ARFGEF1: variants seen among roughly 807,000 people sequenced by gnomAD.
ARFGEF1 encodes the protein brefeldin A-inhibited guanine nucleotide-exchange protein 1.
ARFGEF1 carries 42 observed loss-of-function variants against 231.0 expected under a neutral mutation model. The observed-to-expected ratio is 0.18, with a 90% confidence interval of 0.14 to 0.24. The LOEUF is 0.24. Ranked by LOEUF, ARFGEF1 falls within the 10% of genes least tolerant of loss-of-function variation. The probability of loss-of-function intolerance (pLI) is 1.00; values close to 1 mark genes in which losing one functional copy is unlikely to be tolerated. For missense variants in ARFGEF1, 1,345 were observed against 2,192.0 expected, an observed-to-expected ratio of 0.61 and a Z score of 7.72; for synonymous variants, 710 against 732.3, an observed-to-expected ratio of 0.97 and a Z score of 0.49.
At chr8:67,228,812 T>C (rs1229252019) in intron 23 of ARFGEF1, among the ~76,000 whole-genome samples, 1 of 152,088 alleles carries the variant, frequency 6.6e-6, no homozygotes, top group Non-Finnish European at 1.5e-5. Flanking sequence ...AAGCTAACAC[T>C]GCCCAGCTTT....
chr8:67,318,168 C>T (rs1182248584), intron 1 of ARFGEF1, among the ~76,000 whole-genome samples: 4 of 149,410 alleles, frequency 2.7e-5, no homozygotes, highest in Non-Finnish European at 4.4e-5. Flanking sequence ...ACCCGGGAGC[C>T]GCAGCTTGCA....
downstream of ARFGEF1, chr8:67,193,498 T>C: frequency 4.3e-6 from 7 of 1,613,450 alleles, no homozygotes; most frequent in Non-Finnish European, 5.9e-6. Flanking sequence ...CCAGATGGTC[T>C]CTCTCTAAAA....
At chr8:67,190,252 TAAAC>T (rs1563797300) in intron 5 of ARFGEF1, among the ~76,000 whole-genome samples, 1 of 152,192 alleles carries the variant, frequency 6.6e-6, no homozygotes, top group Admixed American at 6.5e-5. Flanking sequence ...TAAAATGTAA[TAAAC>T]AACTTAAACA....
At chr8:67,257,926 T>G in intron 16 of ARFGEF1, 110 bp from the exon 17 acceptor site, 1 of 1,201,382 alleles carries the variant, frequency 8.3e-7, no homozygotes, top group Non-Finnish European at 1.2e-6. Flanking sequence ...TATCTCACAT[T>G]ACAATTTTTT....
Position 67,292,191 on chromosome 8 carries a change from C to T in ARFGEF1, c.640-68G>A, listed in dbSNP as rs968086072. The T allele has an allele frequency of 1.1e-5, 15 of 1,351,374 alleles. No individual in the cohort carries two copies. The African/African-American group carries it at 2.0e-4, about 18-fold the overall frequency. The allele number at this position is 1,351,374 out of a possible 1,614,324, so 83.7% of individuals were successfully genotyped here. A position where few individuals can be genotyped will look rare whatever the true frequency, so the allele number is the denominator to read the frequency against. ...TTAAAATTTGGAAGGATAATGTTAC[C>T]TCCAACAATCCTTTCTATAAGGTGC... is the stretch of plus-strand genomic sequence containing the variant. On this transcript the variant is annotated intron_variant, in intron 5 of 38. Transcript: ENST00000262215.
chr8:67,226,190 T>C lies in ARFGEF1; in HGVS notation c.3917-7A>G, dbSNP rs1839365564. 2 of 1,567,222 alleles carry C rather than the reference T, an allele frequency of 1.3e-6. No individual in the cohort carries two copies. The highest frequency in any genetic ancestry group is 2.3e-5 in the East Asian group (1 of 42,890). ...TGTTTTTCAAATACAAGGGCTAAAA[T>C]AGAGAAAAATATATATTACTATAAT... On this transcript the variant is annotated splice_region_variant and splice_polypyrimidine_tract_variant and intron_variant, in intron 27 of 38. Coordinates refer to ENST00000262215, the MANE Select transcript of ARFGEF1 (RefSeq NM_006421.5).
chr8:67,179,927 G>T (rs773954226), intron 5 of ARFGEF1: 2 of 1,513,170 alleles, frequency 1.3e-6, no homozygotes, highest in South Asian at 1.1e-5. Flanking sequence ...GCTTTTATTG[G>T]TGAGTATATT....
intron 9 of ARFGEF1, among the ~76,000 whole-genome samples, chr8:67,272,515 C>T (rs958291606): frequency 5.3e-5 from 8 of 152,076 alleles, no homozygotes; most frequent in East Asian, 3.9e-4. Flanking sequence ...TTAACATCAA[C>T]GTATTGTTTC....
intron 9 of ARFGEF1, among the ~76,000 whole-genome samples, chr8:67,272,388 G>C (rs1034157774): frequency 1.3e-5 from 2 of 151,738 alleles, no homozygotes; most frequent in African/African-American, 4.8e-5. Context: ...AGATGGTCTT[G>C]ATCTCCTGAC....
chr8:67,268,310 T>A (rs1469923428), intron 10 of ARFGEF1, among the ~76,000 whole-genome samples: 1 of 152,152 alleles, frequency 6.6e-6, no homozygotes, highest in African/African-American at 2.4e-5. Flanking sequence ...AATGACCAGG[T>A]CTTTCTTGAT....
rs879872819 is a variant in ARFGEF1 at position 67,246,558 on chromosome 8, AATG to A, written c.2850+4738_2850+4740del. Among the ~76,000 whole-genome samples the A allele has an allele frequency of 6.6e-4, 100 of 150,632 alleles. 1 individual carries two copies. Among genetic ancestry groups the A allele is most frequent in the Admixed American group, 1.3e-3 (20 of 15,074 alleles). On this transcript the variant is annotated intron_variant, in intron 19 of 38. Coordinates refer to ENST00000262215, the MANE Select transcript of ARFGEF1 (RefSeq NM_006421.5). ...GGAAATTGAAAAATTTATTGAAACA[AATG>A]ATAATGAAGACACAACGTACCCAAA... is the stretch of plus-strand genomic sequence containing the variant.
intron 8 of ARFGEF1, 122 bp from the exon 9 acceptor site, chr8:67,276,231 G>A: frequency 1.9e-6 from 2 of 1,063,222 alleles, no homozygotes; most frequent in Non-Finnish European, 2.7e-6. Flanking sequence ...GTTGGAAGGG[G>A]AACCAGATGA....
At chr8:67,262,112 T>A (rs915366979) in intron 14 of ARFGEF1, among the ~76,000 whole-genome samples, 2 of 152,170 alleles carry the variant, frequency 1.3e-5, no homozygotes. Flanking sequence ...CTGGGCAAAG[T>A]AAGTTGAAAA....
intron 10 of ARFGEF1, among the ~76,000 whole-genome samples, chr8:67,271,132 T>C (rs1456940940): frequency 6.7e-6 from 1 of 148,566 alleles, no homozygotes; most frequent in Non-Finnish European, 1.5e-5. Context: ...TTCTACTAAA[T>C]CTCTGACAAT....
intron 29 of ARFGEF1, among the ~76,000 whole-genome samples, chr8:67,220,261 T>C (rs1839102638): frequency 6.6e-6 from 1 of 152,270 alleles, no homozygotes; most frequent in South Asian, 2.1e-4. Context: ...AATACTTTTA[T>C]GTAACCATTA....
At chr8:67,225,197 T>C (rs1207642837) in intron 28 of ARFGEF1, among the ~76,000 whole-genome samples, 164 bp from the exon 29 acceptor site, 1 of 152,218 alleles carries the variant, frequency 6.6e-6, no homozygotes, top group Non-Finnish European at 1.5e-5. Context: ...ACAATTTTAG[T>C]ATATGTGCCA....
chr8:67,258,740 A>G (rs1202240639), intron 15 of ARFGEF1, among the ~76,000 whole-genome samples: 3 of 152,284 alleles, frequency 2.0e-5, no homozygotes, highest in Non-Finnish European at 4.4e-5. Flanking sequence ...ACACAAAGCT[A>G]AAAGTTAAAC....
chr8:67,195,605 A>G (rs764232514), downstream of ARFGEF1: 70 of 1,610,196 alleles, frequency 4.3e-5, no homozygotes, highest in East Asian at 8.9e-5. Context: ...ATAAACCTGT[A>G]CTGGACCCAG....
chr8:67,225,910 T>C, intron 28 of ARFGEF1, 113 bp downstream of exon 28: 1 of 1,114,602 alleles, frequency 9.0e-7, no homozygotes, highest in Non-Finnish European at 1.2e-6. Context: ...TCAGATTATT[T>C]TTCAAATTAC....
Sources: gnomAD v4.1 joint callset for allele counts (sites outside exome capture counted in the v4.1 genomes callset) on GRCh38, gnomAD v4.1.1 for gene constraint, MANE v1.5 for transcripts, NCBI Gene and HGNC (gene_info 2026-07-23, HGNC 2026-07-21) for gene names.